Variants in NUPR2 observed in about 807,000 individuals in gnomAD.
NUPR2 encodes nuclear protein 2, transcriptional regulator.
NUPR2 carries 14 observed loss-of-function variants against 7.3 expected under a neutral mutation model. That is an observed-to-expected ratio of 1.93 (90% confidence interval 1.27 to 3.01). The LOEUF (loss-of-function observed/expected upper bound fraction) is 3.01. Among genes scored for constraint, NUPR2 ranks in the 30% most tolerant of loss-of-function variants. The probability of loss-of-function intolerance (pLI) is 0.00; values close to 1 mark genes in which losing one functional copy is unlikely to be tolerated. For missense variants in NUPR2, 162 were observed against 143.7 expected (o/e 1.13, Z -0.65); for synonymous variants, 56 against 59.7 (o/e 0.94, Z 0.29).
rs894127818 is a variant in NUPR2, at chr7:56,116,208, T to C, written c.107A>G (p.Tyr36Cys). ...EELYDCLDYYYLRDFPACGAG... is the reference protein window; with the variant it reads ...EELYDCLDYYCLRDFPACGAG... ...CCCGCAGGCCGGGAAGTCGCGCAGGTAGTAGTAGTCCAGGCAGTCGTAAAG... is the reference window on the plus strand; with the variant it reads ...CCCGCAGGCCGGGAAGTCGCGCAGGCAGTAGTAGTCCAGGCAGTCGTAAAG... Residue 36 changes from tyrosine (Y) to cysteine (C), a missense_variant, in exon 1 of 2, where the codon TAC (tyrosine) becomes TGC (cysteine). Transcript: ENST00000329309. The C allele has an allele frequency of 4.0e-5, 62 of 1,548,344 alleles. No homozygotes were observed. In the East Asian group the frequency reaches 9.1e-4, roughly 23 times the overall value.
chr7:56,115,429 TTGTGTGTGTGTG>T (rs59426127), intron 1 of NUPR2, among the ~76,000 whole-genome samples: 3 of 30,994 alleles, frequency 9.7e-5, no homozygotes, highest in South Asian at 2.3e-3. Flanking sequence ...ATATATATAT[TTGTGTGTGTGTG>T]TGTGTGTGTG....
rs778814052 is a variant in NUPR2, at chr7:56,116,131, A to G, written c.184T>C (p.Trp62Arg). The change falls in exon 1 of 2, where the codon TGG becomes CGG. Residue 62 changes from tryptophan to arginine, a missense_variant. Physicochemically the swap from Trp to Arg is moderately radical, Grantham distance 101 (BLOSUM62 -3). Transcript: ENST00000329309. Reference protein sequence around the residue: ...TRREQALRTNWPAPGGHERKV... With the variant: ...TRREQALRTNRPAPGGHERKV... Reference sequence around the variant, plus strand: ...CGCTCGTGCCCGCCAGGTGCAGGCCAGTTGGTGCGCAGCGCCTGCTCGCGC... The same window carrying G: ...CGCTCGTGCCCGCCAGGTGCAGGCCGGTTGGTGCGCAGCGCCTGCTCGCGC... 1.8e-5 allele frequency: 28 copies of G among 1,545,360 alleles called. No homozygotes were observed. The African/African-American group carries it at 1.9e-4, about 11-fold the overall frequency.
rs1201360215 is a variant in NUPR2 at position 56,115,394 on chromosome 7, CATATATATATATATATAT to C, written c.*7-515_*7-498del. Among the ~76,000 whole-genome samples, 6 of 30,736 alleles carry C rather than the reference CATATATATATATATATAT, an allele frequency of 2.0e-4. 1 individual carries two copies. The Admixed American group carries it at 2.4e-3, about 13-fold the overall frequency. 20.2% of individuals were successfully genotyped at this position (30,736 alleles called of 152,430 possible). On this transcript the variant is annotated intron_variant, in intron 1 of 1. Transcript: ENST00000329309. ...AACCTCAGCCTCCCGGGCTCGATCG[CATATATATATATATATAT>C]ATATATATATATATATTTGTGTGTG...
chr7:56,115,420 TATATA>T (rs1785526348), intron 1 of NUPR2, among the ~76,000 whole-genome samples: 1 of 52,202 alleles, frequency 1.9e-5, no homozygotes, highest in Admixed American at 2.1e-4. Context: ...TATATATATA[TATATA>T]TATTTGTGTG....
Position 56,116,322 on chromosome 7 carries a change from A to C in NUPR2, c.-8T>G, listed in dbSNP as rs1012040742. 40 of 1,268,984 alleles carry C rather than the reference A, an allele frequency of 3.2e-5. No individual in the cohort carries two copies. Among genetic ancestry groups the C allele is most frequent in the Non-Finnish European group, 3.8e-5 (37 of 984,448 alleles). 78.6% of individuals were successfully genotyped at this position (1,268,984 alleles called of 1,614,324 possible). Reference sequence around the variant, plus strand: ...CTCTGCGGGCGCTTCCATCCTGCCCAGGCCTGTGGCCACCGGCGGCCACCT... The same window carrying C: ...CTCTGCGGGCGCTTCCATCCTGCCCCGGCCTGTGGCCACCGGCGGCCACCT... On this transcript the variant is annotated 5_prime_UTR_variant, in exon 1 of 2. Transcript: ENST00000329309.
In NUPR2 at chr7:56,115,956, G is replaced by C. The variant is rs552252492; in HGVS notation, c.*6+59C>G. ...CCCAGGGCGAGCAGCGCCGCGCCGT[G>C]GGGGGACGCTCCTAGGGTCCCCGGG... On this transcript the variant is annotated intron_variant, in intron 1 of 1. Transcript: ENST00000329309. The C allele has an allele frequency of 5.0e-5, 66 of 1,330,124 alleles. No homozygotes were observed. In the East Asian group the frequency reaches 8.0e-4, roughly 16 times the overall value. 82.4% of individuals were successfully genotyped at this position (1,330,124 alleles called of 1,614,324 possible).
At position 56,116,291 on chromosome 7, in the gene NUPR2, CGCCCGCTCTG is replaced by C; in HGVS notation, c.14_23del (p.Ala5GlyfsTer15). 6.8e-7 allele frequency: 1 copy of C among 1,465,186 alleles called. No individual in the cohort carries two copies. Among genetic ancestry groups the C allele is most frequent in the South Asian group, 1.4e-5 (1 of 73,840 alleles). 90.8% of individuals were successfully genotyped at this position (1,465,186 alleles called of 1,614,324 possible). ...GAGCCAGAGCCTGCAGACGTGGAAG[CGCCCGCTCTG>C]CGGGCGCTTCCATCCTGCCCAGGCC... On this transcript the variant is annotated frameshift_variant, in exon 1 of 2. Coordinates refer to ENST00000329309, the MANE Select transcript of NUPR2 (RefSeq NM_001145712.2). LOFTEE classifies it high-confidence loss of function.
intron 1 of NUPR2, among the ~76,000 whole-genome samples, chr7:56,115,416 T>TACAC (rs1785525220): frequency 5.2e-5 from 1 of 19,206 alleles, no homozygotes; most frequent in Non-Finnish European, 8.5e-5. Flanking sequence ...TATATATATA[T>TACAC]ATATATATAT....
At chr7:56,115,429 T>TTTTTG (rs1554376539) in intron 1 of NUPR2, among the ~76,000 whole-genome samples, 2 of 30,988 alleles carry the variant, frequency 6.5e-5, no homozygotes, top group Non-Finnish European at 1.1e-4. Flanking sequence ...ATATATATAT[T>TTTTTG]TGTGTGTGTG....
intron 1 of NUPR2, 22 bp downstream of exon 1, chr7:56,115,993 G>C: frequency 7.0e-7 from 1 of 1,437,962 alleles, no homozygotes; most frequent in Non-Finnish European, 9.1e-7. Flanking sequence ...CACTGGTTGG[G>C]GGAGGTGTTG....
At chr7:56,115,422 T>TATAA (rs1554376515) in intron 1 of NUPR2, among the ~76,000 whole-genome samples, 1 of 55,316 alleles carries the variant, frequency 1.8e-5, no homozygotes, top group Non-Finnish European at 3.1e-5. Flanking sequence ...TATATATATA[T>TATAA]ATATATTTGT....
rs1785548933 is a variant in NUPR2, at chr7:56,116,210, G to T, written c.105C>A (p.Tyr35Ter). 6.5e-7 allele frequency: 1 copy of T among 1,548,578 alleles called. No homozygotes were observed. The highest frequency in any genetic ancestry group is 1.4e-5 in the African/African-American group (1 of 72,474). ...CGCAGGCCGGGAAGTCGCGCAGGTA[G>T]TAGTAGTCCAGGCAGTCGTAAAGCT... is the stretch of plus-strand genomic sequence containing the variant. ...EEELYDCLDYYYLRDFPACGA... is the reference protein window; with the variant it reads ...EEELYDCLDY The change falls in exon 1 of 2, where the codon TAC becomes TAA. Residue 35 changes from tyrosine to a stop codon, truncating the protein, a stop_gained. Coordinates refer to ENST00000329309, the MANE Select transcript of NUPR2 (RefSeq NM_001145712.2). LOFTEE classifies it high-confidence loss of function.
At chr7:56,115,086 C>T (rs1482893104) in intron 1 of NUPR2, among the ~76,000 whole-genome samples, 189 bp from the exon 2 acceptor site, 1 of 152,036 alleles carries the variant, frequency 6.6e-6, no homozygotes, top group African/African-American at 2.4e-5. Context: ...CAAGCACGCG[C>T]CACCACGCCC....
In NUPR2 at chr7:56,116,202, CGCAGGTAGT is replaced by C; in HGVS notation, c.104_112del (p.Tyr35_Arg38delinsCys). 6.5e-7 allele frequency: 1 copy of C among 1,548,812 alleles called. No individual in the cohort carries two copies. Among genetic ancestry groups the C allele is most frequent in the Non-Finnish European group, 8.7e-7 (1 of 1,145,936 alleles). On this transcript the variant is annotated inframe_deletion, in exon 1 of 2. Transcript: ENST00000329309. Reference sequence around the variant, plus strand: ...CCCTGCCCCGCAGGCCGGGAAGTCGCGCAGGTAGTAGTAGTCCAGGCAGTCGTAAAGCTC... The same window carrying C: ...CCCTGCCCCGCAGGCCGGGAAGTCGCAGTAGTCCAGGCAGTCGTAAAGCTC...
rs1350661324 is a variant in NUPR2 at position 56,116,303 on chromosome 7, G to A, written c.12C>T (p.Pro4=). The change falls in exon 1 of 2, where the codon CCC becomes CCT. Residue 4 remains proline, a synonymous_variant. Transcript: ENST00000329309. ...GCAGACGTGGAAGCGCCCGCTCTGC[G>A]GGCGCTTCCATCCTGCCCAGGCCTG... MEA[P]AERALPRLQA... 2 of 1,447,398 alleles carry A rather than the reference G, an allele frequency of 1.4e-6. No homozygotes were observed. Among genetic ancestry groups the A allele is most frequent in the South Asian group, 1.4e-5 (1 of 71,318 alleles). The allele number at this position is 1,447,398 out of a possible 1,614,324, so 89.7% of individuals were successfully genotyped here.
intron 1 of NUPR2, 39 bp downstream of exon 1, chr7:56,115,976 C>T: frequency 2.1e-6 from 3 of 1,413,100 alleles, no homozygotes; most frequent in South Asian, 1.5e-5. Flanking sequence ...TCCTAGGGTC[C>T]CCGGGGCACT....
At chr7:56,115,433 G>A (rs1411895145) in intron 1 of NUPR2, among the ~76,000 whole-genome samples, 2,838 of 11,012 alleles carry the variant, frequency 0.26, 444 homozygotes, top group East Asian at 0.51. Context: ...ATATATTTGT[G>A]TGTGTGTGTG....
intron 1 of NUPR2, among the ~76,000 whole-genome samples, chr7:56,115,417 A>ATATATATGTGTG (rs1785525529): frequency 1.4e-4 from 3 of 21,366 alleles, no homozygotes; most frequent in East Asian, 5.7e-3. Context: ...ATATATATAT[A>ATATATATGTGTG]TATATATATA....
chr7:56,116,108 C>T lies in NUPR2; in HGVS notation c.207G>A (p.Glu69=). Residue 69 remains glutamate, a synonymous_variant, in exon 1 of 2, where the codon GAG becomes GAA. Transcript: ENST00000329309. ...TGAGGAGCTTCTGCGCGACCTTGCG[C>T]TCGTGCCCGCCAGGTGCAGGCCAGT... ...RTNWPAPGGH[E]RKVAQKLLNG... The T allele has an allele frequency of 1.3e-6, 2 of 1,540,636 alleles. No homozygotes were observed. The highest frequency in any genetic ancestry group is 5.0e-5 in the East Asian group (2 of 40,088).
Sources: gnomAD v4.1 joint callset for allele counts (sites outside exome capture counted in the v4.1 genomes callset) on GRCh38, gnomAD v4.1.1 for gene constraint, MANE v1.5 for transcripts, NCBI Gene and HGNC (gene_info 2026-07-23, HGNC 2026-07-21) for gene names.